POPDC1: variants seen among roughly 807,000 people sequenced by gnomAD.
POPDC1 encodes the protein popeye domain-containing protein 1.
the POPDC1 span, among the ~76,000 whole-genome samples, chr6:105,105,304 G>T: frequency 6.6e-6 from 1 of 152,204 alleles, no homozygotes; most frequent in African/African-American, 2.4e-5. Context: ...GGTGCCAGCT[G>T]GCTGCCAACC....
chr6:105,119,391 T>C, the POPDC1 span, among the ~76,000 whole-genome samples: 1 of 152,174 alleles, frequency 6.6e-6, no homozygotes, highest in Non-Finnish European at 1.5e-5. Flanking sequence ...ACACATGCCA[T>C]GAAGCCTACA....
chr6:105,107,087 C>T, the POPDC1 span, among the ~76,000 whole-genome samples: 5 of 152,214 alleles, frequency 3.3e-5, no homozygotes, highest in African/African-American at 7.2e-5. Context: ...ATCTCCACTT[C>T]CCCTCTACCT....
At chr6:105,135,728 G>A in the POPDC1 span, among the ~76,000 whole-genome samples, 1 of 151,350 alleles carries the variant, frequency 6.6e-6, no homozygotes. Flanking sequence ...GAGAGAGAGA[G>A]ATATATATAG....
chr6:105,104,704 C>T, the POPDC1 span, among the ~76,000 whole-genome samples: 1 of 152,216 alleles, frequency 6.6e-6, no homozygotes, highest in Non-Finnish European at 1.5e-5. Context: ...TGATTCGACA[C>T]TGCTTAGGGC....
the POPDC1 span, among the ~76,000 whole-genome samples, chr6:105,123,591 G>T: frequency 6.6e-6 from 1 of 152,090 alleles, no homozygotes; most frequent in Admixed American, 6.5e-5. Context: ...TAGTAGAGAC[G>T]GGGTTTCACC....
chr6:105,131,131 G>GT, the POPDC1 span, among the ~76,000 whole-genome samples: 1 of 152,056 alleles, frequency 6.6e-6, no homozygotes, highest in African/African-American at 2.4e-5. Flanking sequence ...ATAAATCATT[G>GT]ACACACGCAT....
chr6:105,111,831 C>A, the POPDC1 span, among the ~76,000 whole-genome samples: 2,678 of 152,278 alleles, frequency 0.018, 37 homozygotes, highest in South Asian at 0.045. Context: ...CTTTTTCTGT[C>A]CGTATTTCTG....
the POPDC1 span, chr6:105,133,598 C>T: frequency 6.5e-7 from 1 of 1,548,922 alleles, no homozygotes; most frequent in East Asian, 2.3e-5. Context: ...CCTGTAAAAA[C>T]AAGTAAACAA....
the POPDC1 span, among the ~76,000 whole-genome samples, chr6:105,106,751 C>T: frequency 1.3e-5 from 2 of 151,870 alleles, no homozygotes; most frequent in Non-Finnish European, 2.9e-5. Flanking sequence ...AGATCCTTCT[C>T]TGTCTTCCAG....
chr6:105,123,542 A>T, the POPDC1 span, among the ~76,000 whole-genome samples: 1 of 152,022 alleles, frequency 6.6e-6, no homozygotes, highest in African/African-American at 2.4e-5. Context: ...CTGGGACTAC[A>T]GGTGCCCACC....
the POPDC1 span, among the ~76,000 whole-genome samples, chr6:105,113,955 C>A: frequency 4.4e-3 from 652 of 148,452 alleles, 4 homozygotes; most frequent in South Asian, 0.026. Context: ...CACACACACA[C>A]AAAAAAAACA....
chr6:105,113,124 G>A, the POPDC1 span, among the ~76,000 whole-genome samples: 1 of 151,798 alleles, frequency 6.6e-6, no homozygotes, highest in Admixed American at 6.6e-5. Flanking sequence ...TAGAGATGGG[G>A]TCTCATTATG....
chr6:105,122,940 T>C, the POPDC1 span, among the ~76,000 whole-genome samples: 1 of 152,138 alleles, frequency 6.6e-6, no homozygotes, highest in Non-Finnish European at 1.5e-5. Flanking sequence ...TGCACATAAC[T>C]AACAAGCTGC....
the POPDC1 span, among the ~76,000 whole-genome samples, chr6:105,106,937 T>A: frequency 2.0e-5 from 3 of 152,230 alleles, no homozygotes; most frequent in Non-Finnish European, 4.4e-5. Flanking sequence ...CAAGCATTTA[T>A]CCTTTGTGTT....
the POPDC1 span, among the ~76,000 whole-genome samples, chr6:105,132,012 T>C: frequency 4.6e-5 from 7 of 150,852 alleles, no homozygotes; most frequent in African/African-American, 1.5e-4. Flanking sequence ...TGTCGCCAGG[T>C]TGGAGTGCAG....
chr6:105,127,673 A>G, the POPDC1 span, among the ~76,000 whole-genome samples: 1 of 151,824 alleles, frequency 6.6e-6, no homozygotes, highest in Non-Finnish European at 1.5e-5. Context: ...TGGGCTCAAG[A>G]GATCTTCCAA....
At chr6:105,121,842 C>G in the POPDC1 span, among the ~76,000 whole-genome samples, 1 of 152,112 alleles carries the variant, frequency 6.6e-6, no homozygotes, top group African/African-American at 2.4e-5. Flanking sequence ...TCATGAGCAC[C>G]CTGACCACAG....
the POPDC1 span, among the ~76,000 whole-genome samples, chr6:105,133,108 G>A: frequency 1.6e-4 from 25 of 152,332 alleles, no homozygotes; most frequent in South Asian, 5.2e-3. Flanking sequence ...ATGAATGAAT[G>A]TTCTGGTATC....
the POPDC1 span, among the ~76,000 whole-genome samples, chr6:105,133,028 T>C: frequency 6.6e-6 from 1 of 152,178 alleles, no homozygotes; most frequent in South Asian, 2.1e-4. Context: ...CTTGCCCAAG[T>C]TACAGTTGAC....
Sources: allele counts gnomAD v4.1 joint callset (sites outside exome capture counted in the v4.1 genomes callset), GRCh38; gene constraint gnomAD v4.1.1; transcripts MANE v1.5; gene names NCBI Gene and HGNC (gene_info 2026-07-23, HGNC 2026-07-21).